The following ZNF345 variants were observed in gnomAD, a reference collection of about 807,000 sequenced individuals.
ZNF345 encodes the protein zinc finger protein 345.
For missense variants in ZNF345, 527 were observed against 589.9 expected (o/e 0.89, Z 1.10); for synonymous variants, 166 against 187.9 (o/e 0.88, Z 0.95).
chr19:36,876,994 T>A lies in ZNF345; in HGVS notation c.164T>A (p.Ile55Asn), dbSNP rs1178948232. 1.2e-6 allele frequency: 2 copies of A among 1,614,150 alleles called. No individual in the cohort carries two copies. Among genetic ancestry groups the A allele is most frequent in the Non-Finnish European group, 1.7e-6 (2 of 1,179,996 alleles). Reference sequence around the variant, plus strand: ...ACTTTCAGTATCCAGCATCAGAGAATTCATACTGATGAGAAACTCCTTGAA... The same window carrying A: ...ACTTTCAGTATCCAGCATCAGAGAAATCATACTGATGAGAAACTCCTTGAA... The part of the protein sequence containing the change: ...MPTFSIQHQR[I>N]HTDEKLLECK... Residue 55 changes from isoleucine to asparagine, a missense_variant, in exon 3 of 3, where the codon ATT becomes AAT. Transcript: ENST00000420450.
chr19:36,876,654 T>C (rs978148091), intron 2 of ZNF345, 131 bp from the exon 3 acceptor site: 1 of 508,486 alleles, frequency 2.0e-6, no homozygotes, highest in East Asian at 3.5e-5. Flanking sequence ...CCCAGTCATA[T>C]GTGAGAACTG....
chr19:36,852,413 T>C (rs560043325), intron 2 of ZNF345, among the ~76,000 whole-genome samples: 38 of 151,956 alleles, frequency 2.5e-4, no homozygotes, highest in South Asian at 4.2e-4. Context: ...GAGATCAAGA[T>C]CATCCTGGCC....
In ZNF345 at chr19:36,878,107, A is replaced by G. The variant is rs773915785; in HGVS notation, c.1277A>G (p.Tyr426Cys). 1.9e-5 allele frequency: 30 copies of G among 1,613,964 alleles called. No homozygotes were observed. The highest frequency in any genetic ancestry group is 2.4e-5 in the Non-Finnish European group (28 of 1,180,004). The change falls in exon 3 of 3, where the codon TAT (tyrosine) becomes TGT (cysteine). Residue 426 changes from tyrosine (Y) to cysteine (C), a missense_variant. Tyr to Cys is a radical substitution (Grantham distance 194). Transcript: ENST00000420450. The stretch of plus-strand genomic sequence containing the variant: ...AGAATACACACTGGTGAGAAACCCT[A>G]TGAATGTAAGGAGTGTGGGAAGGCT... ...HQRIHTGEKP[Y>C]ECKECGKAFY...
chr19:36,874,308 A>G (rs573067375), intron 2 of ZNF345, among the ~76,000 whole-genome samples: 3 of 152,112 alleles, frequency 2.0e-5, no homozygotes, highest in East Asian at 3.9e-4. Context: ...AGCCTGGCCA[A>G]TATGGTGAAA....
intron 2 of ZNF345, among the ~76,000 whole-genome samples, chr19:36,858,755 G>T (rs954779653): frequency 6.6e-6 from 1 of 152,106 alleles, no homozygotes; most frequent in Non-Finnish European, 1.5e-5. Context: ...GACAGAGTAA[G>T]ATGCTGTCTC....
Position 36,878,091 on chromosome 19 carries a change from A to G in ZNF345, c.1261A>G (p.Thr421Ala). The change falls in exon 3 of 3, where the codon ACT (threonine) becomes GCT (alanine). Residue 421 changes from threonine to alanine, a missense_variant. By Grantham distance (58) the Thr-to-Ala change is moderately conservative (BLOSUM62 0). Transcript: ENST00000420450. ...TCTTAATCGGCACCAGAGAATACAC[A>G]CTGGTGAGAAACCCTATGAATGTAA... ...SALNRHQRIH[T>A]GEKPYECKEC... 4.3e-6 allele frequency: 7 copies of G among 1,614,002 alleles called. No homozygotes were observed. The highest frequency in any genetic ancestry group is 3.3e-4 in the Middle Eastern group (2 of 6,062).
chr19:36,882,023 A>C (rs887876267), downstream of ZNF345, among the ~76,000 whole-genome samples: 1 of 150,076 alleles, frequency 6.7e-6, no homozygotes, highest in African/African-American at 2.5e-5. Flanking sequence ...CTCTAAATTG[A>C]TTTGAAGGAG....
At chr19:36,868,095 T>C (rs922971959) in intron 2 of ZNF345, among the ~76,000 whole-genome samples, 2 of 149,826 alleles carry the variant, frequency 1.3e-5, no homozygotes, top group Non-Finnish European at 3.0e-5. Flanking sequence ...CTCTGCTTCC[T>C]GCGTTCCAAA....
intron 2 of ZNF345, among the ~76,000 whole-genome samples, chr19:36,855,228 C>T (rs548233882): frequency 1.5e-4 from 21 of 143,054 alleles, no homozygotes; most frequent in Middle Eastern, 4.8e-3. Flanking sequence ...CTGCAAGCTC[C>T]GCCTCCCGGG....
Position 36,864,512 on chromosome 19 carries a change from A to G in ZNF345, c.-46-12273A>G, listed in dbSNP as rs1286494553. 9.9e-4 allele frequency among the ~76,000 whole-genome samples: 150 copies of G among 152,114 alleles called. 3 individuals are homozygous for G. Among genetic ancestry groups the G allele is most frequent in the Non-Finnish European group, 3.1e-4 (21 of 68,000 alleles). ...TGACTCCAGCCTGGGTGACAGAGTG[A>G]GACCTTGTCTCTAAAAAATTTAAAA... On this transcript the variant is annotated intron_variant, in intron 2 of 2. Coordinates refer to ENST00000420450, the MANE Select transcript of ZNF345 (RefSeq NM_001242472.2).
At chr19:36,879,945 C>G (rs1022340539), downstream of ZNF345, among the ~76,000 whole-genome samples, 1 of 152,166 alleles carries the variant, frequency 6.6e-6, no homozygotes, top group Non-Finnish European at 1.5e-5. Flanking sequence ...ATGATCCATA[C>G]CTTACTCAAC....
At chr19:36,857,314 T>G (rs2072440236) in intron 2 of ZNF345, among the ~76,000 whole-genome samples, 1 of 152,100 alleles carries the variant, frequency 6.6e-6, no homozygotes, top group Non-Finnish European at 1.5e-5. Flanking sequence ...GTTTATTTAT[T>G]TATTTATTTT....
chr19:36,876,712 C>A, intron 2 of ZNF345, 73 bp from the exon 3 acceptor site: 2 of 994,452 alleles, frequency 2.0e-6, no homozygotes, highest in South Asian at 1.7e-5. Context: ...TTAAGTCTTT[C>A]GTATCTATTA....
At chr19:36,862,990 A>C (rs1213790521) in intron 2 of ZNF345, 1 of 152,270 alleles carries the variant, frequency 6.6e-6, no homozygotes, top group Non-Finnish European at 1.5e-5. Context: ...CATAGCAAGA[A>C]AGTGACCATC....
At chr19:36,892,415 G>T in intron 3 of ZNF345, 1 of 1,610,032 alleles carries the variant, frequency 6.2e-7, no homozygotes, top group Non-Finnish European at 8.5e-7. Flanking sequence ...ATTATTACTT[G>T]ACTGAAATGT....
intron 2 of ZNF345, among the ~76,000 whole-genome samples, chr19:36,853,292 A>G (rs1029082576): frequency 8.0e-6 from 1 of 125,698 alleles, no homozygotes; most frequent in Non-Finnish European, 1.6e-5. Flanking sequence ...CTTATTGCCC[A>G]GGCTGGAGTG....
chr19:36,855,447 CTTTTTTT>C (rs34265794), intron 2 of ZNF345, among the ~76,000 whole-genome samples: 3 of 58,572 alleles, frequency 5.1e-5, no homozygotes, highest in East Asian at 1.3e-3. Context: ...CGAGCCTGGC[CTTTTTTT>C]TTTTTTTTTT....
intron 2 of ZNF345, among the ~76,000 whole-genome samples, chr19:36,871,913 A>C (rs2072778704): frequency 6.6e-6 from 1 of 152,006 alleles, no homozygotes; most frequent in Admixed American, 6.6e-5. Context: ...GATTACAGGC[A>C]TGTGCCACTG....
intron 3 of ZNF345, chr19:36,888,807 C>CTGT (rs1414233482): frequency 6.6e-6 from 1 of 152,022 alleles, no homozygotes; most frequent in Admixed American, 6.6e-5. Flanking sequence ...GCAATTTGCT[C>CTGT]TGTTGCCCAG....
Sources: allele counts gnomAD v4.1 joint callset (sites outside exome capture counted in the v4.1 genomes callset), GRCh38; gene constraint gnomAD v4.1.1; transcripts MANE v1.5; gene names NCBI Gene and HGNC (gene_info 2026-07-23, HGNC 2026-07-21).